DCUN1D1: variants seen among roughly 807,000 people sequenced by gnomAD.
DCUN1D1 encodes the protein DCN1-like protein 1.
A neutral mutation model predicts 39.0 loss-of-function variants in DCUN1D1; 3 were observed. The ratio of observed to expected loss-of-function variants is 0.08; its 90% confidence interval spans 0.04 to 0.20. DCUN1D1 has a LOEUF of 0.20. Among genes scored for constraint, DCUN1D1 ranks in the 10% least tolerant of loss-of-function variants. DCUN1D1 has a pLI of 1.00. For synonymous variants in DCUN1D1, 82 were observed against 96.3 expected (o/e 0.85, Z 0.87); for missense variants, 158 against 302.4 (o/e 0.52, Z 3.54).
intron 1 of DCUN1D1, among the ~76,000 whole-genome samples, chr3:182,976,218 A>G (rs751049327): frequency 1.3e-5 from 2 of 152,144 alleles, no homozygotes; most frequent in African/African-American, 2.4e-5. Flanking sequence ...TCTTCTGAAA[A>G]AACTGCTTTT....
intron 1 of DCUN1D1, among the ~76,000 whole-genome samples, chr3:182,972,064 T>A (rs1276658684): frequency 2.7e-5 from 4 of 150,728 alleles, no homozygotes; most frequent in Non-Finnish European, 5.9e-5. Flanking sequence ...TTTTTTTTTT[T>A]TTTTTTTTGG....
rs547806837 is a variant in DCUN1D1 at position 182,941,102 on chromosome 3, G to T, written c.*3992C>A. The T allele has an allele frequency of 3.9e-5, 6 of 152,046 alleles. No homozygotes were observed. The highest frequency in any genetic ancestry group is 1.4e-4 in the African/African-American group (6 of 41,534). 9.4% of individuals were successfully genotyped at this position (152,046 alleles called of 1,614,324 possible). ...AGCAAGAAATGCTACTTACTCAACA[G>T]GTAGGAAAGAAAATAAGATAGCAAG... On this transcript the variant is annotated 3_prime_UTR_variant, in exon 7 of 7. Transcript: ENST00000292782.
rs987650951 is a variant in DCUN1D1 at position 182,941,852 on chromosome 3, G to C, written c.*3242C>G. 6.6e-6 allele frequency: 1 copy of C among 151,988 alleles called. No homozygotes were observed. 9.4% of individuals were successfully genotyped at this position (151,988 alleles called of 1,614,324 possible). A position where few individuals can be genotyped will look rare whatever the true frequency, so the allele number is the denominator to read the frequency against. On this transcript the variant is annotated 3_prime_UTR_variant, in exon 7 of 7. Coordinates refer to ENST00000292782, the MANE Select transcript of DCUN1D1 (RefSeq NM_020640.4). ...CTTCGATTAGGTTTAACTTTCTCCT[G>C]TCATTCATATGTGAAAATTACAGAA...
intron 1 of DCUN1D1, among the ~76,000 whole-genome samples, chr3:182,974,333 T>G (rs1728099900): frequency 6.6e-6 from 1 of 152,202 alleles, no homozygotes; most frequent in African/African-American, 2.4e-5. Flanking sequence ...AATACCTGGA[T>G]TAGTCATCAT....
chr3:182,966,737 C>T (rs1727686649), intron 1 of DCUN1D1, among the ~76,000 whole-genome samples: 3 of 152,184 alleles, frequency 2.0e-5, no homozygotes, highest in Non-Finnish European at 4.4e-5. Flanking sequence ...CATCTTCTAG[C>T]AAAATACTTG....
intron 1 of DCUN1D1, among the ~76,000 whole-genome samples, chr3:182,978,421 C>T (rs1194049134): frequency 1.3e-5 from 2 of 152,122 alleles, no homozygotes; most frequent in African/African-American, 2.4e-5. Context: ...GGTCTGTTAG[C>T]CAGGCTGGAG....
chr3:182,979,560 A>C (rs1280128406), intron 1 of DCUN1D1, among the ~76,000 whole-genome samples: 1 of 151,650 alleles, frequency 6.6e-6, no homozygotes, highest in Non-Finnish European at 1.5e-5. Flanking sequence ...CAAAGTAAAC[A>C]ACTCGACCAC....
intron 1 of DCUN1D1, among the ~76,000 whole-genome samples, chr3:182,975,383 A>G (rs990242592): frequency 5.3e-5 from 8 of 151,790 alleles, no homozygotes; most frequent in Non-Finnish European, 1.0e-4. Context: ...TCACCGTGTT[A>G]GCCAGGATGG....
At chr3:182,947,958 A>G (rs1726503135) in intron 4 of DCUN1D1, among the ~76,000 whole-genome samples, 1 of 152,228 alleles carries the variant, frequency 6.6e-6, no homozygotes, top group South Asian at 2.1e-4. Context: ...AGGGTTTCTC[A>G]ACCTGGGCAC....
intron 1 of DCUN1D1, among the ~76,000 whole-genome samples, chr3:182,966,900 A>C (rs1727695275): frequency 6.6e-6 from 1 of 152,198 alleles, no homozygotes; most frequent in African/African-American, 2.4e-5. Flanking sequence ...TGAAGTCAGG[A>C]GTTCAAGACC....
intron 1 of DCUN1D1, among the ~76,000 whole-genome samples, chr3:182,977,679 C>T (rs1193951652): frequency 2.0e-5 from 3 of 151,984 alleles, no homozygotes; most frequent in Admixed American, 1.3e-4. Flanking sequence ...TGTGATCCGC[C>T]CACCTTGGCC....
intron 4 of DCUN1D1, among the ~76,000 whole-genome samples, chr3:182,948,998 A>G (rs186923277): frequency 6.6e-6 from 1 of 151,742 alleles, no homozygotes; most frequent in East Asian, 1.9e-4. Context: ...CACTGAGCCA[A>G]GATCACACCA....
intron 3 of DCUN1D1, among the ~76,000 whole-genome samples, chr3:182,962,984 T>C (rs1727479153): frequency 6.6e-6 from 1 of 152,166 alleles, no homozygotes; most frequent in Admixed American, 6.5e-5. Flanking sequence ...TTCTCCATGT[T>C]GGTCAAGCTG....
At chr3:182,972,283 G>C (rs1217889244) in intron 1 of DCUN1D1, among the ~76,000 whole-genome samples, 1 of 151,562 alleles carries the variant, frequency 6.6e-6, no homozygotes, top group African/African-American at 2.4e-5. Context: ...TTGAAACTCA[G>C]AGAAAATACA....
At chr3:182,975,457 T>G (rs1728182222) in intron 1 of DCUN1D1, among the ~76,000 whole-genome samples, 1 of 151,858 alleles carries the variant, frequency 6.6e-6, no homozygotes, top group African/African-American at 2.4e-5. Context: ...ATTACAGGTG[T>G]GAGCCACCGC....
intron 6 of DCUN1D1, among the ~76,000 whole-genome samples, chr3:182,945,620 A>G (rs1726357282): frequency 6.6e-6 from 1 of 150,710 alleles, no homozygotes; most frequent in Non-Finnish European, 1.5e-5. Flanking sequence ...AAACAAACAA[A>G]AAACTGGCAG....
At chr3:182,958,542 CAT>C (rs1411731777) in intron 4 of DCUN1D1, among the ~76,000 whole-genome samples, 5 of 152,044 alleles carry the variant, frequency 3.3e-5, no homozygotes, top group Non-Finnish European at 5.9e-5. Context: ...ATACATATAA[CAT>C]AAAGTTTATC....
At chr3:182,969,673 G>A (rs1727838596) in intron 1 of DCUN1D1, among the ~76,000 whole-genome samples, 1 of 152,134 alleles carries the variant, frequency 6.6e-6, no homozygotes, top group African/African-American at 2.4e-5. Flanking sequence ...AGTTTTCAAA[G>A]AAATGCAATA....
At chr3:182,983,435 G>T (rs1402849068), upstream of DCUN1D1, among the ~76,000 whole-genome samples, 1 of 152,200 alleles carries the variant, frequency 6.6e-6, no homozygotes, top group East Asian at 1.9e-4. Context: ...CCCTAGCTAG[G>T]CCAGGCGCAG....
Sources: allele counts gnomAD v4.1 joint callset (sites outside exome capture counted in the v4.1 genomes callset), GRCh38; gene constraint gnomAD v4.1.1; transcripts MANE v1.5; gene names NCBI Gene and HGNC (gene_info 2026-07-23, HGNC 2026-07-21).